The following CTDP1 variants were observed in gnomAD, a reference collection of about 807,000 sequenced individuals.
The protein encoded by CTDP1 is RNA polymerase II subunit A C-terminal domain phosphatase.
In CTDP1, 47 loss-of-function variants were observed where a neutral mutation model predicts 91.8. The observed-to-expected ratio is 0.51, with a 90% CI of 0.41 to 0.65. The LOEUF is 0.65. Among genes scored for constraint, CTDP1 ranks in the 30% least tolerant of loss-of-function variants. The probability of loss-of-function intolerance (pLI) is 0.00; values close to 1 mark genes in which losing one functional copy is unlikely to be tolerated. For missense variants in CTDP1, 1,272 were observed against 1,373.7 expected, an observed-to-expected ratio of 0.93 and a Z score of 1.17; for synonymous variants, 656 against 598.5, an observed-to-expected ratio of 1.10 and a Z score of -1.40.
chr18:79,733,535 C>T (rs992270711), intron 11 of CTDP1, among the ~76,000 whole-genome samples: 2 of 150,430 alleles, frequency 1.3e-5, no homozygotes, highest in Non-Finnish European at 3.0e-5. Flanking sequence ...TTACCTCGTT[C>T]CTGCCTGTTC....
At position 79,701,020 on chromosome 18, in the gene CTDP1, G is replaced by A. The variant is rs374179370; in HGVS notation, c.621+3032G>A. ...ATGGTTTACTGACCATTCTAAGCCC[G>A]CTCTTGAGACCTGTTACTCAGAAAG... On this transcript the variant is annotated intron_variant, in intron 4 of 12. Coordinates refer to ENST00000613122, the MANE Select transcript of CTDP1 (RefSeq NM_004715.5). Among the ~76,000 whole-genome samples the A allele has an allele frequency of 2.0e-5, 3 of 152,278 alleles. No homozygotes were observed. In the East Asian group the frequency reaches 5.8e-4, roughly 29 times the overall value.
intron 8 of CTDP1, among the ~76,000 whole-genome samples, chr18:79,716,376 C>T (rs1323896453): frequency 6.6e-6 from 1 of 152,224 alleles, no homozygotes; most frequent in African/African-American, 2.4e-5. Flanking sequence ...GCGTTGGACA[C>T]GCATGTGCTC....
At chr18:79,743,526 CAAAAA>C (rs34957550) in intron 12 of CTDP1, among the ~76,000 whole-genome samples, 1 of 109,914 alleles carries the variant, frequency 9.1e-6, no homozygotes, top group Non-Finnish European at 1.7e-5. Context: ...ACTCCGTCTC[CAAAAA>C]AAAAAAAAAA....
chr18:79,695,070 A>G (rs2085719732), intron 1 of CTDP1, among the ~76,000 whole-genome samples, 155 bp from the exon 2 acceptor site: 2 of 152,232 alleles, frequency 1.3e-5, no homozygotes, highest in African/African-American at 4.8e-5. Flanking sequence ...ATAGACAAAG[A>G]AATGCCCTCA....
chr18:79,736,505 G>C lies in CTDP1; in HGVS notation c.2731G>C (p.Gly911Arg), dbSNP rs2086670314. ...TGCGTCCAGCGAGAGGAGCGCGGCAGGGGGCCGGGGGCCCAGGTGAGTGCG... is the reference window on the plus strand; with the variant it reads ...TGCGTCCAGCGAGAGGAGCGCGGCACGGGGCCGGGGGCCCAGGTGAGTGCG... The part of the protein sequence containing the change: ...APASSERSAA[G>R]GRGPRGHKRK... The change falls in exon 12 of 13, where the codon GGG (glycine) becomes CGG (arginine). Residue 911 changes from glycine to arginine, a missense_variant. Physicochemically the swap from Gly to Arg is moderately radical, Grantham distance 125 (BLOSUM62 -2). Around this residue, in one of 3 missense-constraint regions of CTDP1, gnomAD observed 881 missense variants for 911.6 expected, o/e 0.97. Transcript: ENST00000613122. The C allele has an allele frequency of 4.5e-6, 7 of 1,544,914 alleles. No individual in the cohort carries two copies. The highest frequency in any genetic ancestry group is 6.1e-6 in the Non-Finnish European group (7 of 1,144,402).
chr18:79,736,133 G>T (rs113429305), intron 11 of CTDP1: 2 of 610,744 alleles, frequency 3.3e-6, no homozygotes, highest in Non-Finnish European at 5.9e-6. Flanking sequence ...CTTTGCCTGC[G>T]AACCGACTGG....
intron 12 of CTDP1, among the ~76,000 whole-genome samples, chr18:79,745,161 G>A (rs894793449): frequency 6.6e-6 from 1 of 152,328 alleles, no homozygotes; most frequent in Admixed American, 6.5e-5. Context: ...CAAAGCAGTT[G>A]TAATGACTGT....
intron 10 of CTDP1, among the ~76,000 whole-genome samples, chr18:79,719,686 GTGA>G (rs1400410516): frequency 6.7e-6 from 1 of 148,948 alleles, no homozygotes; most frequent in Non-Finnish European, 1.5e-5. Flanking sequence ...AAGCGTCCTG[GTGA>G]TGATGTCACC....
intron 1 of CTDP1, among the ~76,000 whole-genome samples, chr18:79,693,743 G>A (rs1485046782): frequency 6.6e-6 from 1 of 152,020 alleles, no homozygotes; most frequent in Non-Finnish European, 1.5e-5. Context: ...AGGGTGATCC[G>A]CACACGCCCA....
intron 11 of CTDP1, among the ~76,000 whole-genome samples, chr18:79,729,742 C>T (rs758854689): frequency 6.6e-6 from 1 of 152,206 alleles, no homozygotes; most frequent in Non-Finnish European, 1.5e-5. Flanking sequence ...GGGCGATCTG[C>T]GCAGCACCGT....
At chr18:79,689,728 C>G (rs1298174216) in intron 1 of CTDP1, among the ~76,000 whole-genome samples, 1 of 152,228 alleles carries the variant, frequency 6.6e-6, no homozygotes, top group Non-Finnish European at 1.5e-5. Context: ...TTGCAGTGAG[C>G]TAAGATCACA....
intron 10 of CTDP1, among the ~76,000 whole-genome samples, chr18:79,728,260 G>A (rs957151393): frequency 1.3e-5 from 2 of 151,898 alleles, no homozygotes; most frequent in East Asian, 3.9e-4. Context: ...CCACCACACC[G>A]GGCTAATTTT....
intron 1 of CTDP1, among the ~76,000 whole-genome samples, chr18:79,694,665 A>G (rs944731341): frequency 6.6e-6 from 1 of 152,056 alleles, no homozygotes; most frequent in East Asian, 1.9e-4. Context: ...GCGGGCGCTG[A>G]GTGCCAGGCG....
chr18:79,726,727 CGAG>C (rs1345302890), intron 10 of CTDP1, among the ~76,000 whole-genome samples: 4 of 132,184 alleles, frequency 3.0e-5, no homozygotes, highest in African/African-American at 8.3e-5. Flanking sequence ...ATGGAGGTGA[CGAG>C]GCCATTGCTG....
intron 12 of CTDP1, among the ~76,000 whole-genome samples, chr18:79,739,854 A>G (rs1371247196): frequency 5.2e-5 from 3 of 58,060 alleles, no homozygotes; most frequent in African/African-American, 2.0e-4. Context: ...TGGGACTCTC[A>G]TACCCACGGC....
At chr18:79,683,469 T>A (rs2085417426) in intron 1 of CTDP1, among the ~76,000 whole-genome samples, 1 of 152,202 alleles carries the variant, frequency 6.6e-6, no homozygotes, top group African/African-American at 2.4e-5. Flanking sequence ...AGGTGCAGAA[T>A]CTGCTCCTGG....
chr18:79,711,364 C>A (rs946893994), intron 6 of CTDP1, among the ~76,000 whole-genome samples: 1 of 152,096 alleles, frequency 6.6e-6, no homozygotes, highest in African/African-American at 2.4e-5. Flanking sequence ...CCACAGTAGC[C>A]AGCTGTGAAG....
Position 79,712,997 on chromosome 18 carries a change from A to G in CTDP1, c.889A>G (p.Met297Val). The change falls in exon 7 of 13, where the codon ATG becomes GTG. Residue 297 changes from methionine to valine, a missense_variant. This residue lies in a region of CTDP1 where 177 missense variants were observed against 283.0 expected (regional missense o/e 0.63). Coordinates refer to ENST00000613122, the MANE Select transcript of CTDP1 (RefSeq NM_004715.5). ...AAATCTCTTTCCTTGTGGAGACTCA[A>G]TGGTTTGCATTATTGATGATCGAGA... is the stretch of plus-strand genomic sequence containing the variant. Reference protein sequence around the residue: ...LRNLFPCGDSMVCIIDDREDV... With the variant: ...LRNLFPCGDSVVCIIDDREDV... 6.2e-7 allele frequency: 1 copy of G among 1,614,108 alleles called. No individual in the cohort carries two copies.
chr18:79,678,105 C>A (rs2085276117), upstream of CTDP1: 1 of 152,218 alleles, frequency 6.6e-6, no homozygotes, highest in Non-Finnish European at 1.5e-5. Flanking sequence ...ATGGCGAGGG[C>A]TAAAAGGCAC....
Sources: gnomAD v4.1 joint callset for allele counts (sites outside exome capture counted in the v4.1 genomes callset) on GRCh38, gnomAD v4.1.1 for gene constraint, gnomAD v4.1.1 regional missense constraint, MANE v1.5 for transcripts, NCBI Gene and HGNC (gene_info 2026-07-23, HGNC 2026-07-21) for gene names.